The following SLC24A1 variants were observed in gnomAD, a reference collection of about 807,000 sequenced individuals.
SLC24A1 encodes the protein sodium/potassium/calcium exchanger 1.
A neutral mutation model predicts 88.1 loss-of-function variants in SLC24A1; 52 were observed. The observed-to-expected ratio is 0.59, with a 90% confidence interval of 0.47 to 0.74. The LOEUF (loss-of-function observed/expected upper bound fraction) is 0.74. SLC24A1 is among the 30% of genes least tolerant of loss of function. The pLI, the probability that SLC24A1 is intolerant of heterozygous loss-of-function variation, is 0.00. For synonymous variants in SLC24A1, 455 were observed against 498.0 expected, an observed-to-expected ratio of 0.91 and a Z score of 1.15; for missense variants, 1,173 against 1,363.3, an observed-to-expected ratio of 0.86 and a Z score of 2.20.
At position 65,654,083 on chromosome 15, in the gene SLC24A1, A is replaced by G; in HGVS notation, c.*4A>G. 1 of 1,610,968 alleles carries G rather than the reference A, an allele frequency of 6.2e-7. No homozygotes were observed. The highest frequency in any genetic ancestry group is 8.5e-7 in the Non-Finnish European group (1 of 1,177,586). On this transcript the variant is annotated 3_prime_UTR_variant, in exon 10 of 10. Transcript: ENST00000261892. Reference sequence around the variant, plus strand: ...ATCCTGTCCTGTATCTGTCTGAATCAGTCACTCTTGCTCACAATGGGCATG... The same window carrying G: ...ATCCTGTCCTGTATCTGTCTGAATCGGTCACTCTTGCTCACAATGGGCATG...
At position 65,655,971 on chromosome 15, in the gene SLC24A1, A is replaced by G; in HGVS notation, c.*1892A>G. 1.0e-6 allele frequency: 1 copy of G among 985,296 alleles called. No homozygotes were observed. 61.0% of individuals were successfully genotyped at this position (985,296 alleles called of 1,614,324 possible). A position where few individuals can be genotyped will look rare whatever the true frequency, so the allele number is the denominator to read the frequency against. On this transcript the variant is annotated 3_prime_UTR_variant, in exon 10 of 10. Coordinates refer to ENST00000261892, the MANE Select transcript of SLC24A1 (RefSeq NM_004727.3). The stretch of plus-strand genomic sequence containing the variant: ...ATCATGTTCCAATTCTATATTCTTA[A>G]TTATCCTTATTCCTGATGCTACTGC...
chr15:65,644,687 T>A (rs2075247558), intron 5 of SLC24A1, among the ~76,000 whole-genome samples, 174 bp downstream of exon 5: 1 of 152,152 alleles, frequency 6.6e-6, no homozygotes, highest in Non-Finnish European at 1.5e-5. Flanking sequence ...GCCGCTCCAC[T>A]CCAGACTCTT....
At position 65,624,574 on chromosome 15, in the gene SLC24A1, A is replaced by G; in HGVS notation, c.494A>G (p.Lys165Arg). The change falls in exon 2 of 10, where the codon AAG (lysine) becomes AGG (arginine). Residue 165 changes from lysine (K) to arginine (R), a missense_variant. Coordinates refer to ENST00000261892, the MANE Select transcript of SLC24A1 (RefSeq NM_004727.3). The stretch of plus-strand genomic sequence containing the variant: ...ACTTCAAGCAGACAAATAGTAAAAA[A>G]GTATACCCCAACACCCAGGGGAGAA... ...TSTSSRQIVKKYTPTPRGEMK... is the reference protein window; with the variant it reads ...TSTSSRQIVKRYTPTPRGEMK... 1 of 1,594,920 alleles carries G rather than the reference A, an allele frequency of 6.3e-7. No homozygotes were observed. The highest frequency in any genetic ancestry group is 1.1e-5 in the South Asian group (1 of 88,416).
chr15:65,611,453 C>T, exon 1 of SLC24A1: 1 of 507,432 alleles, frequency 2.0e-6, no homozygotes, highest in Non-Finnish European at 3.6e-6. Context: ...TCCCCTTCTG[C>T]CCCACTGACC....
At position 65,653,833 on chromosome 15, in the gene SLC24A1, G is replaced by A; in HGVS notation, c.3054G>A (p.Leu1018=). Residue 1018 remains leucine (L), a synonymous_variant, in exon 10 of 10, where the codon TTG becomes TTA. Coordinates refer to ENST00000261892, the MANE Select transcript of SLC24A1 (RefSeq NM_004727.3). The part of the protein sequence containing the change: ...GSNIFDITVG[L]PVPWLLFSLI... Reference sequence around the variant, plus strand: ...CATCGTTTCTTCAATCTTGCAGCTTGCCTGTTCCTTGGTTGCTTTTCTCTC... The same window carrying A: ...CATCGTTTCTTCAATCTTGCAGCTTACCTGTTCCTTGGTTGCTTTTCTCTC... The A allele has an allele frequency of 6.2e-7, 1 of 1,613,690 alleles. No individual in the cohort carries two copies. The highest frequency in any genetic ancestry group is 8.5e-7 in the Non-Finnish European group (1 of 1,179,706).
At chr15:65,620,718 T>C (rs2074292788), upstream of SLC24A1, among the ~76,000 whole-genome samples, 1 of 152,238 alleles carries the variant, frequency 6.6e-6, no homozygotes, top group Non-Finnish European at 1.5e-5. Context: ...GAGGATTTCC[T>C]TCTCCCCTGA....
intron 3 of SLC24A1, among the ~76,000 whole-genome samples, chr15:65,638,573 G>GCC (rs578206364): frequency 3.5e-4 from 54 of 152,304 alleles, no homozygotes; most frequent in Non-Finnish European, 6.9e-4. Flanking sequence ...GAATGCCCCA[G>GCC]AACTAAGAGA....
intron 4 of SLC24A1, among the ~76,000 whole-genome samples, chr15:65,640,929 C>A (rs2075104497): frequency 6.6e-6 from 1 of 152,092 alleles, no homozygotes; most frequent in African/African-American, 2.4e-5. Flanking sequence ...GGCGTGGTGG[C>A]AGGCGCCTGT....
upstream of SLC24A1, among the ~76,000 whole-genome samples, chr15:65,620,980 T>TA (rs1269390292): frequency 2.0e-5 from 3 of 152,150 alleles, no homozygotes; most frequent in East Asian, 5.8e-4. Context: ...GACCCCAGCA[T>TA]ACTCAGAGAT....
Position 65,654,499 on chromosome 15 carries a change from T to C in SLC24A1, c.*420T>C, listed in dbSNP as rs2075610332. 8.5e-7 allele frequency: 1 copy of C among 1,180,250 alleles called. No individual in the cohort carries two copies. The allele number at this position is 1,180,250 out of a possible 1,614,324, so 73.1% of individuals were successfully genotyped here. ...GCAGATGTGGTCTACATCTCAGCCT[T>C]CCTGACCTCTGCCCCAAACACACGC... is the stretch of plus-strand genomic sequence containing the variant. On this transcript the variant is annotated 3_prime_UTR_variant, in exon 10 of 10. Coordinates refer to ENST00000261892, the MANE Select transcript of SLC24A1 (RefSeq NM_004727.3).
chr15:65,629,310 T>C (rs1215317612), intron 2 of SLC24A1, among the ~76,000 whole-genome samples: 1 of 152,216 alleles, frequency 6.6e-6, no homozygotes, highest in Non-Finnish European at 1.5e-5. Flanking sequence ...AATCAGAATT[T>C]ACTTAAGAAT....
chr15:65,645,197 T>C (rs1412993872), intron 5 of SLC24A1, among the ~76,000 whole-genome samples: 1 of 152,236 alleles, frequency 6.6e-6, no homozygotes, highest in Non-Finnish European at 1.5e-5. Context: ...TCTCCAGACT[T>C]TCCAAGTTTC....
chr15:65,640,037 G>A (rs1203241834), intron 4 of SLC24A1, among the ~76,000 whole-genome samples: 1 of 152,164 alleles, frequency 6.6e-6, no homozygotes, highest in South Asian at 2.1e-4. Context: ...ATTTGGGATG[G>A]GGCTGCCCTG....
rs375128733 is a variant in SLC24A1 at position 65,625,547 on chromosome 15, G to T, written c.1467G>T (p.Gln489His). Residue 489 changes from glutamine (Q) to histidine (H), a missense_variant, in exon 2 of 10, where the codon CAG becomes CAT. Gln to His is a conservative substitution (Grantham distance 24, BLOSUM62 0). Coordinates refer to ENST00000261892, the MANE Select transcript of SLC24A1 (RefSeq NM_004727.3). ...TGGGTGTCATCACAGACAAGCTGCA[G>T]ATCTCCGAGGATGTGGCAGGCGCCA... ...PALGVITDKL[Q>H]ISEDVAGATF... The T allele has an allele frequency of 6.2e-7, 1 of 1,614,076 alleles. No individual in the cohort carries two copies. Among genetic ancestry groups the T allele is most frequent in the Non-Finnish European group, 8.5e-7 (1 of 1,179,906 alleles).
intron 2 of SLC24A1, among the ~76,000 whole-genome samples, chr15:65,626,926 A>C (rs1160690377): frequency 4.6e-5 from 7 of 152,056 alleles, no homozygotes; most frequent in Non-Finnish European, 1.0e-4. Context: ...CCTGCTCCTA[A>C]AGGGTGAGTT....
rs770824314 is a variant in SLC24A1, at chr15:65,644,441, G to A, written c.2068G>A (p.Glu690Lys). The change falls in exon 5 of 10, where the codon GAG (glutamate) becomes AAG (lysine). Residue 690 changes from glutamate (E) to lysine (K), a missense_variant. Physicochemically the swap from Glu to Lys is moderately conservative, Grantham distance 56. Coordinates refer to ENST00000261892, the MANE Select transcript of SLC24A1 (RefSeq NM_004727.3). ...CTCATTTGCAGTTCGCCTTGCCAAG[G>A]AGAAGGAGGAGGAGAGCTTGAATCA... is the stretch of plus-strand genomic sequence containing the variant. ...DPLREVRLAK[E>K]KEEESLNQGA... 10 of 1,593,134 alleles carry A rather than the reference G, an allele frequency of 6.3e-6. No individual in the cohort carries two copies. The highest frequency in any genetic ancestry group is 1.3e-5 in the African/African-American group (1 of 74,622).
At chr15:65,641,981 C>A (rs1005534869) in intron 4 of SLC24A1, among the ~76,000 whole-genome samples, 4 of 152,200 alleles carry the variant, frequency 2.6e-5, no homozygotes, top group African/African-American at 9.7e-5. Flanking sequence ...CAGGAGCCAG[C>A]AGCAATCATC....
intron 2 of SLC24A1, among the ~76,000 whole-genome samples, chr15:65,629,109 A>G (rs1416562937): frequency 6.6e-6 from 1 of 152,236 alleles, no homozygotes; most frequent in Non-Finnish European, 1.5e-5. Context: ...TAGTAAGAGC[A>G]ACATACTTGC....
chr15:65,645,288 T>C (rs188523326), intron 5 of SLC24A1, among the ~76,000 whole-genome samples: 242 of 152,350 alleles, frequency 1.6e-3, no homozygotes, highest in Non-Finnish European at 2.3e-3. Context: ...GGTCATTCTC[T>C]GAGTGCTGGG....
Sources: gnomAD v4.1 joint callset for allele counts (sites outside exome capture counted in the v4.1 genomes callset) on GRCh38, gnomAD v4.1.1 for gene constraint, MANE v1.5 for transcripts, NCBI Gene and HGNC (gene_info 2026-07-23, HGNC 2026-07-21) for gene names.